KNL1: variants seen among roughly 807,000 people sequenced by gnomAD.
KNL1 encodes the protein outer kinetochore KNL1 complex subunit KNL1.
Under a neutral mutation model 201.3 loss-of-function variants are expected in KNL1, and 66 were observed. The ratio of observed to expected loss-of-function variants is 0.33; its 90% CI spans 0.27 to 0.40. KNL1 has a LOEUF of 0.40. Among genes scored for constraint, KNL1 ranks in the 10% least tolerant of loss-of-function variants. The probability of loss-of-function intolerance (pLI) is 1.00; values close to 1 mark genes in which losing one functional copy is unlikely to be tolerated. For missense variants in KNL1, 2,815 were observed against 2,690.5 expected (o/e 1.05, Z -1.02); for synonymous variants, 895 against 899.2 (o/e 1.00, Z 0.08).
chr15:40,638,498 T>C (rs928230409), intron 13 of KNL1, among the ~76,000 whole-genome samples: 1 of 151,996 alleles, frequency 6.6e-6, no homozygotes, highest in Non-Finnish European at 1.5e-5. Flanking sequence ...TTCTTTTCTT[T>C]CTTTTTTTTT....
intron 20 of KNL1, 28 bp downstream of exon 20, chr15:40,651,600 G>A: frequency 6.7e-7 from 1 of 1,489,232 alleles, no homozygotes. Context: ...TCATTTGTTT[G>A]TGTTTTATTC....
intron 13 of KNL1, among the ~76,000 whole-genome samples, chr15:40,640,659 A>G (rs1893200964): frequency 6.6e-6 from 1 of 152,178 alleles, no homozygotes; most frequent in Non-Finnish European, 1.5e-5. Context: ...ACGCATAGCC[A>G]TTTTCAAACT....
chr15:40,617,759 G>A (rs1398607834), intron 8 of KNL1, among the ~76,000 whole-genome samples: 1 of 151,846 alleles, frequency 6.6e-6, no homozygotes, highest in African/African-American at 2.4e-5. Flanking sequence ...TCCTCCTTGA[G>A]GAGCACAGCT....
intron 21 of KNL1, among the ~76,000 whole-genome samples, chr15:40,654,122 T>C (rs957960091): frequency 6.6e-6 from 1 of 152,160 alleles, no homozygotes; most frequent in Admixed American, 6.6e-5. Context: ...ATAGAAAATA[T>C]GTAACAAAGC....
intron 1 of KNL1, among the ~76,000 whole-genome samples, chr15:40,594,713 G>T (rs534380576): frequency 6.6e-6 from 1 of 152,200 alleles, no homozygotes; most frequent in South Asian, 2.1e-4. Context: ...CCTCTGTCAG[G>T]GCTCGCGGAC....
chr15:40,630,702 G>A (rs1345778457), intron 13 of KNL1, among the ~76,000 whole-genome samples: 3 of 152,178 alleles, frequency 2.0e-5, no homozygotes, highest in Non-Finnish European at 2.9e-5. Context: ...TGATCTGTCA[G>A]TGCCTCCCCA....
chr15:40,642,256 G>A (rs143155273), intron 14 of KNL1, among the ~76,000 whole-genome samples: 38 of 152,092 alleles, frequency 2.5e-4, no homozygotes, highest in African/African-American at 7.0e-4. Flanking sequence ...AAAATTAGCC[G>A]GGCGCGGTAG....
intron 4 of KNL1, 133 bp from the exon 5 acceptor site, chr15:40,608,714 C>T: frequency 3.5e-6 from 2 of 578,552 alleles, no homozygotes. Context: ...CGTTGCACTC[C>T]AGTCTGGGCA....
chr15:40,644,975 A>G, intron 14 of KNL1, 22 bp from the exon 15 acceptor site: 1 of 1,512,212 alleles, frequency 6.6e-7, no homozygotes, highest in Non-Finnish European at 9.2e-7. Flanking sequence ...CTACAGTGCT[A>G]ATTAACTTTT....
At chr15:40,640,227 G>T (rs1215090717) in intron 13 of KNL1, among the ~76,000 whole-genome samples, 2 of 151,386 alleles carry the variant, frequency 1.3e-5, no homozygotes, top group Non-Finnish European at 2.9e-5. Context: ...TTCTGGAGTA[G>T]CTGGGACTAC....
intron 4 of KNL1, among the ~76,000 whole-genome samples, chr15:40,608,209 C>T (rs1567000732): frequency 6.6e-6 from 1 of 151,956 alleles, no homozygotes; most frequent in Non-Finnish European, 1.5e-5. Context: ...TGCAGTGGCT[C>T]ATGCCTGTAA....
At chr15:40,628,572 T>C in intron 11 of KNL1, 39 bp from the exon 12 acceptor site, 1 of 1,357,766 alleles carries the variant, frequency 7.4e-7, no homozygotes, top group Admixed American at 1.9e-5. Flanking sequence ...CACAGTTTAG[T>C]TTTGACTTGT....
At chr15:40,601,375 C>A (rs12905162) in intron 1 of KNL1, among the ~76,000 whole-genome samples, 58,967 of 151,950 alleles carry the variant, frequency 0.39, 11,641 homozygotes, top group Middle Eastern at 0.47. Flanking sequence ...AATTGATGTC[C>A]ACTTTGGGAG....
At position 40,620,976 on chromosome 15, in the gene KNL1, A is replaced by C; in HGVS notation, c.712A>C (p.Asn238His). The part of the protein sequence containing the change: ...SAFPDVPDKE[N>H]FEIPIYSKEP... ...TTTTCCTGATGTGCCTGATAAAGAA[A>C]ATTTTGAGATACCTATTTATTCCAA... Residue 238 changes from asparagine (N) to histidine (H), a missense_variant, in exon 10 of 26, where the codon AAT (asparagine) becomes CAT (histidine). This residue lies in a region of KNL1 where 2,464 missense variants were observed against 2,291.7 expected (regional missense o/e 1.08). Coordinates refer to ENST00000399668, the MANE Select transcript of KNL1 (RefSeq NM_144508.5). The C allele has an allele frequency of 6.2e-7, 1 of 1,605,122 alleles. No homozygotes were observed. Among genetic ancestry groups the C allele is most frequent in the Non-Finnish European group, 8.5e-7 (1 of 1,177,492 alleles).
intron 21 of KNL1, among the ~76,000 whole-genome samples, chr15:40,652,993 G>T (rs1302812431): frequency 6.6e-6 from 1 of 151,996 alleles, no homozygotes; most frequent in Non-Finnish European, 1.5e-5. Flanking sequence ...AAACATGGCC[G>T]TATTGGAACG....
chr15:40,628,825 A>G, intron 12 of KNL1, 147 bp downstream of exon 12: 4 of 529,858 alleles, frequency 7.5e-6, no homozygotes, highest in Non-Finnish European at 1.3e-5. Context: ...TTTCTTTGTT[A>G]AAGATCCAAC....
At position 40,621,723 on chromosome 15, in the gene KNL1, A is replaced by G. The variant is rs1428233799; in HGVS notation, c.1459A>G (p.Thr487Ala). 1 of 1,613,048 alleles carries G rather than the reference A, an allele frequency of 6.2e-7. No individual in the cohort carries two copies. Among genetic ancestry groups the G allele is most frequent in the Non-Finnish European group, 8.5e-7 (1 of 1,179,214 alleles). ...IYSGEENMDI[T>A]KSHTVAIDNQ... ...TTCCGGAGAGGAGAACATGGACATTACCAAGAGTCATACAGTTGCAATAGA... is the reference window on the plus strand; with the variant it reads ...TTCCGGAGAGGAGAACATGGACATTGCCAAGAGTCATACAGTTGCAATAGA... Residue 487 changes from threonine (T) to alanine (A), a missense_variant, in exon 10 of 26, where the codon ACC (threonine) becomes GCC (alanine). Transcript: ENST00000399668.
intron 8 of KNL1, 162 bp downstream of exon 8, chr15:40,615,540 A>AG: frequency 3.9e-6 from 1 of 254,138 alleles, no homozygotes; most frequent in Non-Finnish European, 8.0e-6. Flanking sequence ...AGGCTGAGGC[A>AG]GGCAGATCAC....
At chr15:40,613,252 CGT>C (rs756688130) in intron 7 of KNL1, among the ~76,000 whole-genome samples, 5 of 151,094 alleles carry the variant, frequency 3.3e-5, no homozygotes, top group Admixed American at 6.6e-5. Context: ...AGAAGAAAAG[CGT>C]GTGTGTGTGT....
Sources: allele counts gnomAD v4.1 joint callset (sites outside exome capture counted in the v4.1 genomes callset), GRCh38; gene constraint gnomAD v4.1.1; regional missense constraint gnomAD v4.1.1; transcripts MANE v1.5; gene names NCBI Gene and HGNC (gene_info 2026-07-23, HGNC 2026-07-21).